GALK1: variants seen among roughly 807,000 people sequenced by gnomAD.
GALK1 encodes the protein galactokinase.
A neutral mutation model predicts 38.6 loss-of-function variants in GALK1; 30 were observed. The ratio of observed to expected loss-of-function variants is 0.78; its 90% CI spans 0.58 to 1.05. The LOEUF is 1.05. GALK1 is among the 50% of genes least tolerant of loss of function. The pLI, the probability that GALK1 is intolerant of heterozygous loss-of-function variation, is 0.00. For synonymous variants in GALK1, 240 were observed against 233.6 expected (o/e 1.03, Z -0.25); for missense variants, 512 against 540.5 (o/e 0.95, Z 0.52).
At chr17:75,755,294 G>A, downstream of GALK1, 5 of 1,435,390 alleles carry the variant, frequency 3.5e-6, no homozygotes, top group East Asian at 4.7e-5. Context: ...CGCCAGCTGT[G>A]CCCACTGCTT....
downstream of GALK1, chr17:75,756,364 A>G: frequency 6.3e-7 from 1 of 1,577,504 alleles, no homozygotes; most frequent in Non-Finnish European, 8.7e-7. Flanking sequence ...CTTAGGGACG[A>G]GGAGGATCAG....
chr17:75,757,278 C>T (rs373281667), downstream of GALK1: 22 of 1,611,094 alleles, frequency 1.4e-5, no homozygotes, highest in East Asian at 1.6e-4. Flanking sequence ...ATCACCACCA[C>T]CCACACCAGC....
rs140930313 is a variant in GALK1, at chr17:75,752,487, G to A, written c.*23-750C>T. 4.0e-5 allele frequency: 65 copies of A among 1,613,568 alleles called. No individual in the cohort carries two copies. Among genetic ancestry groups the A allele is most frequent in the African/African-American group, 2.0e-4 (15 of 74,936 alleles). ...CATCCCTATCGTGGACGCCCAGAGC[G>A]GGGAGGACTACGACAGCTTCCTTAT... On this transcript the variant is annotated intron_variant, in intron 8 of 8. Transcript: ENST00000225614.
chr17:75,752,755 G>A (rs968451481), intron 8 of GALK1, among the ~76,000 whole-genome samples: 1 of 152,148 alleles, frequency 6.6e-6, no homozygotes, highest in African/African-American at 2.4e-5. Flanking sequence ...AGTGCCTGGG[G>A]GACAGACACA....
At chr17:75,754,335 T>G, downstream of GALK1, 2 of 602,256 alleles carry the variant, frequency 3.3e-6, no homozygotes, top group Non-Finnish European at 5.9e-6. Context: ...ACTGCCAGGG[T>G]CAGCAGTGCT....
chr17:75,762,614 G>A, intron 5 of GALK1, 90 bp downstream of exon 5: 2 of 1,381,100 alleles, frequency 1.4e-6, no homozygotes. Context: ...AGGCCCTGGA[G>A]ATCGGGGTCC....
intron 1 of GALK1, 120 bp downstream of exon 1, chr17:75,764,852 G>T: frequency 9.1e-7 from 1 of 1,103,424 alleles, no homozygotes; most frequent in Non-Finnish European, 1.3e-6. Flanking sequence ...TGCTCCAGGC[G>T]CAGCTGCCCG....
chr17:75,765,063 C>G lies in GALK1; in HGVS notation c.74G>C (p.Gly25Ala). 1 of 1,602,394 alleles carries G rather than the reference C, an allele frequency of 6.2e-7. No individual in the cohort carries two copies. Among genetic ancestry groups the G allele is most frequent in the Non-Finnish European group, 8.5e-7 (1 of 1,175,444 alleles). The change falls in exon 1 of 8, where the codon GGG becomes GCG. Residue 25 changes from glycine to alanine, a missense_variant. Physicochemically the swap from Gly to Ala is moderately conservative, Grantham distance 60 (BLOSUM62 0). Coordinates refer to ENST00000588479, the MANE Select transcript of GALK1 (RefSeq NM_000154.2). ...EARRAFREEF[G>A]AEPELAVSAP... Reference sequence around the variant, plus strand: ...TGACACGGCCAGCTCGGGCTCGGCCCCGAACTCCTCCCGGAAGGCTCGCCG... The same window carrying G: ...TGACACGGCCAGCTCGGGCTCGGCCGCGAACTCCTCCCGGAAGGCTCGCCG...
chr17:75,754,959 C>T (rs375260426), downstream of GALK1: 30 of 1,438,852 alleles, frequency 2.1e-5, no homozygotes, highest in Admixed American at 4.1e-5. Flanking sequence ...CACACGTGCA[C>T]ACGCATGCAC....
exon 9 of GALK1, chr17:75,751,669 A>T (rs1018145049): frequency 4.6e-6 from 1 of 217,434 alleles, no homozygotes; most frequent in African/African-American, 2.3e-5. Flanking sequence ...TGAACCCAGA[A>T]GGCGCAGGTT....
At chr17:75,762,935 C>T in intron 4 of GALK1, 50 bp from the exon 5 acceptor site, 1 of 1,552,440 alleles carries the variant, frequency 6.4e-7, no homozygotes, top group Non-Finnish European at 8.6e-7. Context: ...CGTGTGCTTG[C>T]TGCGCCAGGC....
Position 75,758,593 on chromosome 17 carries a change from C to T in GALK1, c.800G>A (p.Arg267Lys), listed in dbSNP as rs1361494596. 6.3e-7 allele frequency: 1 copy of T among 1,592,526 alleles called. No homozygotes were observed. Among genetic ancestry groups the T allele is most frequent in the Admixed American group, 1.7e-5 (1 of 59,060 alleles). The stretch of plus-strand genomic sequence containing the variant: ...GAAGCCCTCTTTGCTCACCAGGTCC[C>T]TGGCAGCTGGGGAGGAAAGAGGAGT... Reference protein sequence around the residue: ...EVQLEELEAARDLVSKEGFRR... With the variant: ...EVQLEELEAAKDLVSKEGFRR... Residue 267 changes from arginine to lysine, a missense_variant, in exon 6 of 8, where the codon AGG becomes AAG. Physicochemically the swap from Arg to Lys is conservative, Grantham distance 26. Transcript: ENST00000588479.
chr17:75,763,541 G>A (rs2061597427), intron 2 of GALK1, 102 bp from the exon 3 acceptor site: 4 of 1,294,988 alleles, frequency 3.1e-6, no homozygotes, highest in Non-Finnish European at 4.3e-6. Flanking sequence ...CCTAGCAGCT[G>A]TTTCTAGGGT....
chr17:75,754,765 C>T (rs141137562), downstream of GALK1: 22 of 1,612,500 alleles, frequency 1.4e-5, no homozygotes, highest in South Asian at 2.2e-5. Flanking sequence ...CACTCACACT[C>T]GACCACACTG....
downstream of GALK1, chr17:75,756,666 C>CCA: frequency 6.2e-7 from 1 of 1,613,230 alleles, no homozygotes; most frequent in Non-Finnish European, 8.5e-7. Flanking sequence ...TGCCCACCAC[C>CCA]CACCCACAGG....
chr17:75,763,161 G>A lies in GALK1; in HGVS notation c.476-12C>T. On this transcript the variant is annotated splice_polypyrimidine_tract_variant and intron_variant, in intron 3 of 7. Coordinates refer to ENST00000588479, the MANE Select transcript of GALK1 (RefSeq NM_000154.2). ...TATTGTGCCCGAGTCTGCAGTACAGGGTGAGGTGGGGAGGCTAGGGCTGGT... is the reference window on the plus strand; with the variant it reads ...TATTGTGCCCGAGTCTGCAGTACAGAGTGAGGTGGGGAGGCTAGGGCTGGT... 6.2e-7 allele frequency: 1 copy of A among 1,611,274 alleles called. No homozygotes were observed. Among genetic ancestry groups the A allele is most frequent in the Non-Finnish European group, 8.5e-7 (1 of 1,179,656 alleles).
downstream of GALK1, chr17:75,756,935 C>T (rs746207956): frequency 4.3e-5 from 70 of 1,612,334 alleles, no homozygotes; most frequent in Non-Finnish European, 5.8e-5. Flanking sequence ...GGCATCTTCC[C>T]TGCTCAGGGC....
chr17:75,757,875 G>A (rs1599330713), downstream of GALK1: 2 of 736,934 alleles, frequency 2.7e-6, no homozygotes, highest in Non-Finnish European at 4.6e-6. Flanking sequence ...GGGTAGGGGA[G>A]CGGTTCTGAC....
chr17:75,756,879 C>T, downstream of GALK1: 1 of 1,612,224 alleles, frequency 6.2e-7, no homozygotes. Flanking sequence ...ACCCCGGGGG[C>T]AGGAGTGGCC....
Sources: allele counts gnomAD v4.1 joint callset (sites outside exome capture counted in the v4.1 genomes callset), GRCh38; gene constraint gnomAD v4.1.1; transcripts MANE v1.5; gene names NCBI Gene and HGNC (gene_info 2026-07-23, HGNC 2026-07-21).